Variants in NREP observed in about 807,000 individuals in gnomAD.
NREP encodes neuronal regeneration-related protein.
In NREP, 5 loss-of-function variants were observed where a neutral mutation model predicts 8.6. That is an observed-to-expected ratio of 0.58 (90% CI 0.30 to 1.22). NREP has a LOEUF of 1.22. Among genes scored for constraint, NREP ranks in the 50% most tolerant of loss-of-function variants. The pLI, the probability that NREP is intolerant of heterozygous loss-of-function variation, is 0.07. For missense variants in NREP, 86 were observed against 82.5 expected (o/e 1.04, Z -0.17); for synonymous variants, 27 against 28.0 (o/e 0.96, Z 0.11).
At chr5:111,805,318 TTTTACC>T (rs1752115182) in intron 2 of NREP, among the ~76,000 whole-genome samples, 1 of 152,192 alleles carries the variant, frequency 6.6e-6, no homozygotes, top group Admixed American at 6.5e-5. Context: ...ACATCTAGAA[TTTTACC>T]CTAAAGTTAA....
At chr5:111,802,936 G>T (rs953010783) in intron 2 of NREP, among the ~76,000 whole-genome samples, 3 of 152,132 alleles carry the variant, frequency 2.0e-5, no homozygotes, top group Non-Finnish European at 2.9e-5. Flanking sequence ...AGCAAGAAAG[G>T]ATATGAAAAG....
chr5:111,854,451 G>A (rs2112472525), intron 2 of NREP, among the ~76,000 whole-genome samples: 1 of 152,266 alleles, frequency 6.6e-6, no homozygotes, highest in African/African-American at 2.4e-5. Flanking sequence ...TGGCAGCCCA[G>A]GTTCACTGAG....
At chr5:111,797,312 A>G (rs1751896694) in intron 2 of NREP, among the ~76,000 whole-genome samples, 1 of 152,126 alleles carries the variant, frequency 6.6e-6, no homozygotes, top group South Asian at 2.1e-4. Flanking sequence ...ATTTTCTTGC[A>G]TTTGCATTTT....
At chr5:111,792,660 G>A (rs549909705) in intron 2 of NREP, among the ~76,000 whole-genome samples, 10 of 152,076 alleles carry the variant, frequency 6.6e-5, no homozygotes, top group African/African-American at 1.9e-4. Context: ...GGCTAGATGC[G>A]ACAGAATGTG....
intron 2 of NREP, among the ~76,000 whole-genome samples, chr5:111,772,278 C>A (rs1177770061): frequency 6.6e-6 from 1 of 152,082 alleles, no homozygotes; most frequent in East Asian, 1.9e-4. Context: ...TTTTTCCACT[C>A]CTGATAAATA....
chr5:111,741,442 C>T (rs1296559169), intron 2 of NREP, among the ~76,000 whole-genome samples: 2 of 151,796 alleles, frequency 1.3e-5, no homozygotes, highest in Non-Finnish European at 2.9e-5. Context: ...CCACTCTGTT[C>T]CCAGGTGTTA....
chr5:111,757,233 G>GT (rs1338002133), upstream of NREP: 2 of 559,808 alleles, frequency 3.6e-6, no homozygotes, highest in Non-Finnish European at 2.2e-6. Flanking sequence ...ACAGATTGGG[G>GT]GGGGAGGGGG....
At chr5:111,832,098 C>G (rs1041196662) in intron 2 of NREP, among the ~76,000 whole-genome samples, 1 of 152,024 alleles carries the variant, frequency 6.6e-6, no homozygotes, top group African/African-American at 2.4e-5. Flanking sequence ...GTTACTCTTA[C>G]GGGAATGGAA....
intron 2 of NREP, among the ~76,000 whole-genome samples, chr5:111,844,259 TA>T (rs1429523078): frequency 6.6e-6 from 1 of 152,110 alleles, no homozygotes; most frequent in Non-Finnish European, 1.5e-5. Flanking sequence ...ATATTTGACA[TA>T]AAATTCTATA....
At chr5:111,845,512 T>G (rs1011633277) in intron 2 of NREP, among the ~76,000 whole-genome samples, 1 of 152,170 alleles carries the variant, frequency 6.6e-6, no homozygotes, top group Non-Finnish European at 1.5e-5. Context: ...ACACAGACAT[T>G]TCAATTTGTA....
At chr5:111,881,943 A>G (rs947695218) in intron 2 of NREP, among the ~76,000 whole-genome samples, 1 of 152,220 alleles carries the variant, frequency 6.6e-6, no homozygotes, top group African/African-American at 2.4e-5. Context: ...CCAAAGGATC[A>G]CAGTTCCTCA....
intron 2 of NREP, among the ~76,000 whole-genome samples, chr5:111,819,454 C>T (rs759966443): frequency 3.3e-5 from 5 of 152,182 alleles, no homozygotes; most frequent in Admixed American, 6.5e-5. Flanking sequence ...ATCTGCAAGT[C>T]GTACCCTTCT....
intron 2 of NREP, among the ~76,000 whole-genome samples, chr5:111,747,531 G>T (rs567282837): frequency 6.6e-6 from 1 of 152,246 alleles, no homozygotes; most frequent in East Asian, 1.9e-4. Context: ...AGAAGAGCTG[G>T]AGCTGGCAGC....
intron 2 of NREP, among the ~76,000 whole-genome samples, chr5:111,884,377 C>T (rs1286743082): frequency 1.3e-5 from 2 of 151,830 alleles, no homozygotes; most frequent in Admixed American, 6.6e-5. Flanking sequence ...GGATTCACAG[C>T]CGGATTCTAC....
intron 2 of NREP, among the ~76,000 whole-genome samples, chr5:111,881,120 C>T (rs1241017329): frequency 6.6e-6 from 1 of 151,572 alleles, no homozygotes. Flanking sequence ...GTTACTCCCA[C>T]TCTAATACTG....
upstream of NREP, among the ~76,000 whole-genome samples, chr5:111,762,598 T>A (rs1011564398): frequency 6.6e-6 from 1 of 152,138 alleles, no homozygotes; most frequent in African/African-American, 2.4e-5. Context: ...GTGACCAGTG[T>A]CTTTCTAAGA....
intron 2 of NREP, among the ~76,000 whole-genome samples, chr5:111,919,015 G>T (rs1313604146): frequency 6.6e-6 from 1 of 152,006 alleles, no homozygotes; most frequent in Non-Finnish European, 1.5e-5. Context: ...AATCTACAGG[G>T]ACTTAAAACA....
At chr5:111,920,607 C>T (rs1442705203) in intron 2 of NREP, among the ~76,000 whole-genome samples, 1 of 152,010 alleles carries the variant, frequency 6.6e-6, no homozygotes, top group Non-Finnish European at 1.5e-5. Context: ...AGATGGGTTG[C>T]CATTTTACAG....
intron 2 of NREP, among the ~76,000 whole-genome samples, chr5:111,827,177 A>G (rs978491656): frequency 6.6e-6 from 1 of 152,202 alleles, no homozygotes; most frequent in Non-Finnish European, 1.5e-5. Flanking sequence ...TTTTCCTTAT[A>G]TAGTGAAGGA....
Sources: allele counts gnomAD v4.1 joint callset (sites outside exome capture counted in the v4.1 genomes callset), GRCh38; gene constraint gnomAD v4.1.1; transcripts MANE v1.5; gene names NCBI Gene and HGNC (gene_info 2026-07-23, HGNC 2026-07-21).